Variants in SLC8A2 observed in about 807,000 individuals in gnomAD.
SLC8A2 encodes the protein solute carrier family 8 member A2, also known as sodium/calcium exchanger 2.
SLC8A2 carries 14 observed loss-of-function variants against 70.2 expected under a neutral mutation model. The observed-to-expected ratio is 0.20, with a 90% CI of 0.13 to 0.31. The LOEUF is 0.31. Ranked by LOEUF, SLC8A2 falls within the 10% of genes least tolerant of loss-of-function variation. SLC8A2 has a pLI of 1.00. For missense variants in SLC8A2, 779 were observed against 1,320.1 expected (o/e 0.59, Z 6.35); for synonymous variants, 575 against 594.3 (o/e 0.97, Z 0.47).
At chr19:47,456,897 C>A in intron 3 of SLC8A2, 33 bp downstream of exon 3, 3 of 1,542,652 alleles carry the variant, frequency 1.9e-6, no homozygotes, top group Non-Finnish European at 2.6e-6. Flanking sequence ...CCTGCGCCAG[C>A]CCCCTGCACA....
Position 47,466,136 on chromosome 19 carries a change from C to T in SLC8A2, c.268G>A (p.Ala90Thr), listed in dbSNP as rs767770228. The T allele has an allele frequency of 3.1e-6, 5 of 1,614,088 alleles. No individual in the cohort carries two copies. Among genetic ancestry groups the T allele is most frequent in the East Asian group, 2.2e-5 (1 of 44,898 alleles). The stretch of plus-strand genomic sequence containing the variant: ...TCGATGGCCGCCATGAAACGGTCGG[C>T]GATGATGGACACTCCCAGAAACATG... Reference protein sequence around the residue: ...VYMFLGVSIIADRFMAAIEVI... With the variant: ...VYMFLGVSIITDRFMAAIEVI... The change falls in exon 2 of 10, where the codon GCC becomes ACC. Residue 90 changes from alanine to threonine, a missense_variant. This residue lies in a region of SLC8A2 where 155 missense variants were observed against 318.6 expected (regional missense o/e 0.49). Transcript: ENST00000236877. The surrounding 1 kb of genome is among the most constrained non-coding windows in gnomAD (Gnocchi z 6.9).
chr19:47,465,945 G>A lies in SLC8A2; in HGVS notation c.459C>T (p.His153=), dbSNP rs1196941617. The A allele has an allele frequency of 6.2e-7, 1 of 1,614,148 alleles. No homozygotes were observed. Among genetic ancestry groups the A allele is most frequent in the East Asian group, 2.2e-5 (1 of 44,882 alleles). ...GGCCCAGCTCACCCGCCTGGAAGTT[G>A]TGGCCGCAGACTTCGATGACTGACA... The part of the protein sequence containing the change: ...ILLSVIEVCG[H]NFQAGELGPG... The change falls in exon 2 of 10, where the codon CAC becomes CAT. Residue 153 remains histidine, a synonymous_variant. Transcript: ENST00000236877. This position sits in a 1 kb window ranked among gnomAD's most constrained non-coding sequence, Gnocchi z 5.5.
intron 4 of SLC8A2, among the ~76,000 whole-genome samples, chr19:47,444,041 G>A (rs1455623476): frequency 6.6e-6 from 1 of 151,826 alleles, no homozygotes; most frequent in Non-Finnish European, 1.5e-5. Flanking sequence ...AAATATAAGC[G>A]TGTGCCACCA....
chr19:47,452,437 AGAGAGAGAGTGT>A (rs1271954989), intron 3 of SLC8A2, among the ~76,000 whole-genome samples: 941 of 86,642 alleles, frequency 0.011, no homozygotes, highest in South Asian at 0.014. Flanking sequence ...AGAGAGAGAG[AGAGAGAGAGTGT>A]GTGTGTGTGT....
intron 4 of SLC8A2, among the ~76,000 whole-genome samples, chr19:47,446,827 A>G (rs969963200): frequency 1.2e-4 from 17 of 147,366 alleles, no homozygotes; most frequent in African/African-American, 3.9e-4. Flanking sequence ...GGTGTTGACC[A>G]CCACGCCTGG....
chr19:47,469,452 C>T (rs1967505780), intron 1 of SLC8A2, among the ~76,000 whole-genome samples: 1 of 152,162 alleles, frequency 6.6e-6, no homozygotes, highest in African/African-American at 2.4e-5. Context: ...CAGGTTTAAC[C>T]ACCTGTCCTT....
At chr19:47,433,760 GTCTAC>G in intron 8 of SLC8A2, among the ~76,000 whole-genome samples, 1 of 152,048 alleles carries the variant, frequency 6.6e-6, no homozygotes, top group Middle Eastern at 3.4e-3. Flanking sequence ...TCATGCCTCA[GTCTAC>G]TGAGTAGCTG....
rs553211721 is a variant in SLC8A2, at chr19:47,428,530, T to G, written c.*1559A>C. The G allele has an allele frequency of 6.6e-6, 1 of 152,466 alleles. No homozygotes were observed. The highest frequency in any genetic ancestry group is 1.5e-5 in the Non-Finnish European group (1 of 68,096). 9.4% of individuals were successfully genotyped at this position (152,466 alleles called of 1,614,324 possible). Reference sequence around the variant, plus strand: ...GGCGGCTGGACCCCGGCGCTGCTGCTATATGTGGGTGTGTCCCGCAGACGA... The same window carrying G: ...GGCGGCTGGACCCCGGCGCTGCTGCGATATGTGGGTGTGTCCCGCAGACGA... On this transcript the variant is annotated 3_prime_UTR_variant, in exon 10 of 10. Coordinates refer to ENST00000236877, the MANE Select transcript of SLC8A2 (RefSeq NM_015063.3).
chr19:47,465,459 G>A lies in SLC8A2; in HGVS notation c.675+270C>T, dbSNP rs902627942. On this transcript the variant is annotated intron_variant, in intron 2 of 9. Transcript: ENST00000236877. The surrounding 1 kb of genome is among the most constrained non-coding windows in gnomAD (Gnocchi z 5.5). ...GTACTGTTCTTAAGTGCAAAACAGT[G>A]CGTCCCTCTGGACAAATAAATGTTT... is the stretch of plus-strand genomic sequence containing the variant. 2.6e-5 allele frequency among the ~76,000 whole-genome samples: 4 copies of A among 152,076 alleles called. No individual in the cohort carries two copies. The highest frequency in any genetic ancestry group is 9.7e-5 in the African/African-American group (4 of 41,438).
In SLC8A2 at chr19:47,432,313, C is replaced by A. The variant is rs1307726546; in HGVS notation, c.2243G>T (p.Gly748Val). 1 of 1,613,474 alleles carries A rather than the reference C, an allele frequency of 6.2e-7. No individual in the cohort carries two copies. The highest frequency in any genetic ancestry group is 8.5e-7 in the Non-Finnish European group (1 of 1,180,036). ...ACVPPTEYCH[G>V]WACFGVSILV... ...GATGGAGACACCAAAGCAGGCCCAG[C>A]CGTGGCAGTACTCGGTGGGGGGCAC... Residue 748 changes from glycine (G) to valine (V), a missense_variant, in exon 9 of 10, where the codon GGC becomes GTC. This residue lies in a region of SLC8A2 where 108 missense variants were observed against 269.6 expected (regional missense o/e 0.40). Transcript: ENST00000236877. This position sits in a 1 kb window ranked among gnomAD's most constrained non-coding sequence, Gnocchi z 6.2.
Position 47,447,691 on chromosome 19 carries a change from C to T in SLC8A2, c.1763+118G>A. 1 of 1,142,932 alleles carries T rather than the reference C, an allele frequency of 8.7e-7. No individual in the cohort carries two copies. Among genetic ancestry groups the T allele is most frequent in the Non-Finnish European group, 1.2e-6 (1 of 854,140 alleles). The allele number at this position is 1,142,932 out of a possible 1,614,324, so 70.8% of individuals were successfully genotyped here. On this transcript the variant is annotated intron_variant, in intron 4 of 9. Transcript: ENST00000236877. This position sits in a 1 kb window ranked among gnomAD's most constrained non-coding sequence, Gnocchi z 5.1. ...ACGCAGGCCCCTCCCCTCCCGAGGC[C>T]CAACCAAGACCCGCCCACTATGTGG...
Position 47,448,309 on chromosome 19 carries a change from G to T in SLC8A2, c.1341-78C>A, listed in dbSNP as rs537129326. ...TGTGTTGTACGGGGGGAGTCTGGAC[G>T]TGCTTCCCAGAGGAGACGTAGGTGC... is the stretch of plus-strand genomic sequence containing the variant. On this transcript the variant is annotated intron_variant, in intron 3 of 9. Coordinates refer to ENST00000236877, the MANE Select transcript of SLC8A2 (RefSeq NM_015063.3). The surrounding 1 kb of genome is among the most constrained non-coding windows in gnomAD (Gnocchi z 4.8). 2 of 1,139,626 alleles carry T rather than the reference G, an allele frequency of 1.8e-6. No homozygotes were observed. Among genetic ancestry groups the T allele is most frequent in the Non-Finnish European group, 1.2e-6 (1 of 800,490 alleles). 70.6% of individuals were successfully genotyped at this position (1,139,626 alleles called of 1,614,324 possible).
intron 8 of SLC8A2, 93 bp downstream of exon 8, chr19:47,437,369 T>C: frequency 1.0e-6 from 1 of 966,962 alleles, no homozygotes; most frequent in East Asian, 2.4e-5. Context: ...GGCCTGTTTA[T>C]CTTTGTGCCT....
chr19:47,429,872 G>C lies in SLC8A2; in HGVS notation c.*217C>G. On this transcript the variant is annotated 3_prime_UTR_variant, in exon 10 of 10. Coordinates refer to ENST00000236877, the MANE Select transcript of SLC8A2 (RefSeq NM_015063.3). Reference sequence around the variant, plus strand: ...GGGCTGGAGTTGGGGTCACCGCAGGGGAGGAACCGGGGAGGCTCCCGAGAG... The same window carrying C: ...GGGCTGGAGTTGGGGTCACCGCAGGCGAGGAACCGGGGAGGCTCCCGAGAG... 1.7e-6 allele frequency: 1 copy of C among 600,936 alleles called. No homozygotes were observed. The highest frequency in any genetic ancestry group is 2.9e-6 in the Non-Finnish European group (1 of 340,120). The allele number at this position is 600,936 out of a possible 1,614,324, so 37.2% of individuals were successfully genotyped here.
At chr19:47,450,838 G>A (rs1460855820) in intron 3 of SLC8A2, among the ~76,000 whole-genome samples, 1 of 152,116 alleles carries the variant, frequency 6.6e-6, no homozygotes, top group African/African-American at 2.4e-5. Context: ...ACCTCCTGGC[G>A]CTGTGGTGAG....
chr19:47,469,956 T>G (rs975246466), intron 1 of SLC8A2, among the ~76,000 whole-genome samples: 1 of 152,080 alleles, frequency 6.6e-6, no homozygotes, highest in Non-Finnish European at 1.5e-5. Context: ...TGCCTGGGGG[T>G]GGGTGCAGTC....
chr19:47,460,601 G>A (rs556663260), intron 2 of SLC8A2, among the ~76,000 whole-genome samples: 5 of 152,080 alleles, frequency 3.3e-5, no homozygotes, highest in African/African-American at 1.2e-4. Context: ...GGAGGCTGAG[G>A]CAGGAGAATT....
Position 47,447,081 on chromosome 19 carries a change from C to G in SLC8A2, c.1763+728G>C, listed in dbSNP as rs1599850651. Among the ~76,000 whole-genome samples the G allele has an allele frequency of 6.7e-6, 1 of 149,028 alleles. No homozygotes were observed. ...TCGCCCAGATTCGCGTTAGGTGCCC[C>G]GCTATTTCCCCAGGTTCTTCCTCAT... On this transcript the variant is annotated intron_variant, in intron 4 of 9. Transcript: ENST00000236877. This position sits in a 1 kb window ranked among gnomAD's most constrained non-coding sequence, Gnocchi z 5.1.
Position 47,466,154 on chromosome 19 carries a change from G to GA in SLC8A2, c.249dup (p.Leu84SerfsTer32). The GA allele has an allele frequency of 6.2e-7, 1 of 1,614,220 alleles. No homozygotes were observed. Among genetic ancestry groups the GA allele is most frequent in the Non-Finnish European group, 8.5e-7 (1 of 1,180,042 alleles). On this transcript the variant is annotated frameshift_variant, in exon 2 of 10. Coordinates refer to ENST00000236877, the MANE Select transcript of SLC8A2 (RefSeq NM_015063.3). LOFTEE classifies it high-confidence loss of function. The surrounding 1 kb of genome is among the most constrained non-coding windows in gnomAD (Gnocchi z 6.9). Reference sequence around the variant, plus strand: ...CGGTCGGCGATGATGGACACTCCCAGAAACATGTAGACCATGGCCACAAAG... The same window carrying GA: ...CGGTCGGCGATGATGGACACTCCCAGAAAACATGTAGACCATGGCCACAAAG...
Sources: gnomAD v4.1 joint callset for allele counts (sites outside exome capture counted in the v4.1 genomes callset) on GRCh38, gnomAD v4.1.1 for gene constraint, gnomAD v4.1.1 regional missense constraint, Gnocchi (gnomAD v3.1) non-coding constraint, MANE v1.5 for transcripts, NCBI Gene and HGNC (gene_info 2026-07-23, HGNC 2026-07-21) for gene names.